The following ANAPC15 variants were observed in gnomAD, a reference collection of about 807,000 sequenced individuals.
The protein encoded by ANAPC15 is anaphase promoting complex subunit 15, also known as anaphase-promoting complex subunit 15.
In ANAPC15, 13 loss-of-function variants were observed where a neutral mutation model predicts 19.8. The ratio of observed to expected loss-of-function variants is 0.66; its 90% CI spans 0.43 to 1.04. The LOEUF (loss-of-function observed/expected upper bound fraction) is 1.04, where lower values mean the gene tolerates loss of function less well. Ranked by LOEUF, ANAPC15 falls within the 50% of genes least tolerant of loss-of-function variation. ANAPC15 has a pLI of 0.00. For missense variants in ANAPC15, 88 were observed against 150.3 expected, an observed-to-expected ratio of 0.59 and a Z score of 2.17; for synonymous variants, 45 against 50.7, an observed-to-expected ratio of 0.89 and a Z score of 0.47.
chr11:72,109,009 G>A (rs1946047132), downstream of ANAPC15: 2 of 1,258,058 alleles, frequency 1.6e-6, no homozygotes, highest in South Asian at 3.1e-5. Context: ...TTTCCTGTTT[G>A]GGGCCTTGAC....
downstream of ANAPC15, chr11:72,108,119 G>A: frequency 6.7e-7 from 1 of 1,499,084 alleles, no homozygotes; most frequent in Non-Finnish European, 8.9e-7. Flanking sequence ...ATGAGCACAT[G>A]GTCAGCCTCC....
downstream of ANAPC15, chr11:72,109,275 T>A (rs1354577179): frequency 4.3e-6 from 2 of 459,936 alleles, no homozygotes; most frequent in Non-Finnish European, 8.5e-6. Flanking sequence ...GGAAGCTGGA[T>A]GGGAGAGCTC....
In ANAPC15 at chr11:72,110,597, T is replaced by G. The variant is rs557706099; in HGVS notation, c.127A>C (p.Ser43Arg). 1 of 1,614,204 alleles carries G rather than the reference T, an allele frequency of 6.2e-7. No individual in the cohort carries two copies. The highest frequency in any genetic ancestry group is 1.1e-5 in the South Asian group (1 of 91,084). The change falls in exon 4 of 6, where the codon AGC (serine) becomes CGC (arginine). Residue 43 changes from serine to arginine, a missense_variant. By Grantham distance (110) the Ser-to-Arg change is moderately radical. Coordinates refer to ENST00000227618, the MANE Select transcript of ANAPC15 (RefSeq NM_014042.3). ...AGGTTGTTGTCTTTCTCCGCGATGC[T>G]TTGGAGCTGTGGGCAAAGGCACAGA... ...QEQQHQAWLQ[S>R]IAEKDNNLVP...
intron 3 of ANAPC15, 141 bp downstream of exon 3, chr11:72,111,016 C>T: frequency 1.5e-6 from 1 of 675,536 alleles, no homozygotes; most frequent in South Asian, 1.8e-5. Context: ...CCTTGGCTCC[C>T]TGGCTCCCAG....
downstream of ANAPC15, chr11:72,107,512 G>A: frequency 4.3e-6 from 3 of 702,926 alleles, no homozygotes; most frequent in Non-Finnish European, 7.8e-6. Flanking sequence ...TACACATGTG[G>A]CATGAAGGAA....
chr11:72,112,467 C>G, intron 1 of ANAPC15, 183 bp downstream of exon 1: 1 of 271,898 alleles, frequency 3.7e-6, no homozygotes. Flanking sequence ...CAATGAATGA[C>G]GGACCTTGTG....
At chr11:72,107,817 G>A (rs900522824), downstream of ANAPC15, 50 of 1,264,206 alleles carry the variant, frequency 4.0e-5, no homozygotes, top group Middle Eastern at 1.9e-4. Flanking sequence ...ATGAGACCCC[G>A]GCTGGTTGGG....
chr11:72,107,188 G>A, downstream of ANAPC15: 1 of 494,462 alleles, frequency 2.0e-6, no homozygotes, highest in Non-Finnish European at 3.6e-6. Context: ...GATTGCCTGA[G>A]CCTGGGTGGT....
At chr11:72,108,689 C>T (rs370362087), downstream of ANAPC15, 18 of 1,544,482 alleles carry the variant, frequency 1.2e-5, no homozygotes, top group Non-Finnish European at 1.6e-5. Context: ...CCTGGTGCTC[C>T]TGGCACACCG....
At chr11:72,107,314 TTTGA>T (rs1231723501), downstream of ANAPC15, 1 of 608,702 alleles carries the variant, frequency 1.6e-6, no homozygotes, top group Admixed American at 2.9e-5. Context: ...CAGAAATACA[TTTGA>T]TGAGCAATAA....
At chr11:72,110,776 C>G (rs1946608811) in intron 3 of ANAPC15, 173 bp from the exon 4 acceptor site, 1 of 651,896 alleles carries the variant, frequency 1.5e-6, no homozygotes. Context: ...TGAACTTGAT[C>G]CAAATACTTA....
intron 4 of ANAPC15, 114 bp downstream of exon 4, chr11:72,110,430 A>G: frequency 1.3e-6 from 2 of 1,542,294 alleles, no homozygotes; most frequent in South Asian, 1.2e-5. Flanking sequence ...TTAGGCTTTT[A>G]CCCAGATCTG....
chr11:72,111,089 G>A, intron 3 of ANAPC15, 68 bp downstream of exon 3: 1 of 1,014,644 alleles, frequency 9.9e-7, no homozygotes, highest in Non-Finnish European at 1.4e-6. Flanking sequence ...GTAAGGCTGG[G>A]TCATGGCCCA....
At position 72,111,212 on chromosome 11, in the gene ANAPC15, C is replaced by T; in HGVS notation, c.65G>A (p.Arg22Gln). The change falls in exon 3 of 6, where the codon CGA (arginine) becomes CAA (glutamine). Residue 22 changes from arginine (R) to glutamine (Q), a missense_variant. Arg to Gln is a conservative substitution (Grantham distance 43). Coordinates refer to ENST00000227618, the MANE Select transcript of ANAPC15 (RefSeq NM_014042.3). ...VTETLWFNLD[R>Q]PCVEETELQQ... ...CAGCTCTGTCTCTTCCACACAGGGT[C>T]GATCCAGATTAAACCACAGAGTCTC... The T allele has an allele frequency of 6.2e-7, 1 of 1,613,960 alleles. No individual in the cohort carries two copies. The highest frequency in any genetic ancestry group is 8.5e-7 in the Non-Finnish European group (1 of 1,179,886).
At chr11:72,108,117 A>G (rs1945893468), downstream of ANAPC15, 3 of 1,502,426 alleles carry the variant, frequency 2.0e-6, no homozygotes, top group East Asian at 5.0e-5. Context: ...TGATGAGCAC[A>G]TGGTCAGCCT....
chr11:72,108,809 T>C, downstream of ANAPC15: 1 of 1,550,712 alleles, frequency 6.4e-7, no homozygotes, highest in Non-Finnish European at 8.7e-7. Flanking sequence ...ACCCCGCTTC[T>C]TGCAGTATGC....
At chr11:72,108,642 C>T (rs367902988), downstream of ANAPC15, 32 of 1,502,246 alleles carry the variant, frequency 2.1e-5, no homozygotes, top group East Asian at 3.0e-4. Context: ...GACGTGATCC[C>T]GTGCCTACGC....
downstream of ANAPC15, chr11:72,108,015 C>A (rs1396507334): frequency 6.4e-7 from 1 of 1,551,648 alleles, no homozygotes; most frequent in South Asian, 1.2e-5. Context: ...GCTTATTGCC[C>A]GAGCCCTGCC....
chr11:72,111,264 A>G lies in ANAPC15; in HGVS notation c.13T>C (p.Phe5Leu). ...GTCACACGAGGGAAGAGTGAGGGGA[A>G]CAAAGTGGACATGGCTCCTAGACTG... MSTL[F>L]PSLFPRVTET... The change falls in exon 3 of 6, where the codon TTC (phenylalanine) becomes CTC (leucine). Residue 5 changes from phenylalanine (F) to leucine (L), a missense_variant. Transcript: ENST00000227618. 1 of 1,613,272 alleles carries G rather than the reference A, an allele frequency of 6.2e-7. No individual in the cohort carries two copies. Among genetic ancestry groups the G allele is most frequent in the Non-Finnish European group, 8.5e-7 (1 of 1,179,152 alleles).
Sources: gnomAD v4.1 joint callset for allele counts on GRCh38, gnomAD v4.1.1 for gene constraint, MANE v1.5 for transcripts, NCBI Gene and HGNC (gene_info 2026-07-23, HGNC 2026-07-21) for gene names.